The following NPAS4 variants were observed in gnomAD, a reference collection of about 807,000 sequenced individuals.
NPAS4 encodes neuronal PAS domain protein 4, also known as neuronal PAS domain-containing protein 4.
A neutral mutation model predicts 64.0 loss-of-function variants in NPAS4; 10 were observed. The observed-to-expected ratio is 0.16, with a 90% CI of 0.10 to 0.26. The LOEUF is 0.26. Ranked by LOEUF, NPAS4 falls within the 10% of genes least tolerant of loss-of-function variation. The pLI, the probability that NPAS4 is intolerant of heterozygous loss-of-function variation, is 1.00. For synonymous variants in NPAS4, 441 were observed against 411.7 expected (o/e 1.07, Z -0.86); for missense variants, 886 against 992.6 (o/e 0.89, Z 1.44).
the NPAS4 span, among the ~76,000 whole-genome samples, chr11:66,409,670 G>C: frequency 6.6e-6 from 1 of 152,174 alleles, no homozygotes; most frequent in Admixed American, 6.5e-5. Flanking sequence ...ATTGACTAGG[G>C]CCACATGGCA....
At chr11:66,420,513 G>A (rs1856724732), upstream of NPAS4, among the ~76,000 whole-genome samples, 1 of 152,232 alleles carries the variant, frequency 6.6e-6, no homozygotes, top group South Asian at 2.1e-4. Context: ...CTGTCCCACG[G>A]AGGCCAAGGA....
chr11:66,423,186 G>A lies in NPAS4; in HGVS notation c.762G>A (p.Leu254=). The change falls in exon 5 of 8, where the codon CTG becomes CTA. Residue 254 remains leucine, a synonymous_variant. Transcript: ENST00000311034. ...ELLCKSWYGL[L]HPEDLAHASA... is the part of the protein sequence containing the mutation. The stretch of plus-strand genomic sequence containing the variant: ...TTTGTAAATCATGGTATGGACTGCT[G>A]CACCCCGAGGACCTGGCCCACGCTT... 6.2e-7 allele frequency: 1 copy of A among 1,611,196 alleles called. No homozygotes were observed. Among genetic ancestry groups the A allele is most frequent in the Non-Finnish European group, 8.5e-7 (1 of 1,178,496 alleles).
Position 66,421,146 on chromosome 11 carries a change from G to C in NPAS4, c.-34G>C. 6.4e-7 allele frequency: 1 copy of C among 1,559,780 alleles called. No individual in the cohort carries two copies. The highest frequency in any genetic ancestry group is 8.7e-7 in the Non-Finnish European group (1 of 1,150,962). ...CGTCGGGACGGGAGCGCAGGTGCTC[G>C]GGCACCCGAGCTGGAGCTCCGCAGC... On this transcript the variant is annotated 5_prime_UTR_variant, in exon 1 of 8. Coordinates refer to ENST00000311034, the MANE Select transcript of NPAS4 (RefSeq NM_178864.4).
upstream of NPAS4, chr11:66,420,890 G>A (rs995336222): frequency 1.3e-5 from 5 of 378,744 alleles, no homozygotes; most frequent in Admixed American, 1.2e-4. Context: ...CGGAAGCCGG[G>A]CGGGAGGAGG....
intron 5 of NPAS4, 132 bp downstream of exon 5, chr11:66,423,364 G>A (rs1034102293): frequency 1.2e-5 from 10 of 808,294 alleles, no homozygotes; most frequent in African/African-American, 1.0e-4. Flanking sequence ...ATGCTATAGG[G>A]TGAACATGAA....
At position 66,424,325 on chromosome 11, in the gene NPAS4, G is replaced by A. The variant is rs778680760; in HGVS notation, c.1435G>A (p.Asp479Asn). ...QLTPSSATFP[D>N]PLTSPLQGQL... ...GACGCCCAGCAGTGCAACCTTCCCAGATCCACTAACTAGCCCACTGCAAGG... is the reference window on the plus strand; with the variant it reads ...GACGCCCAGCAGTGCAACCTTCCCAAATCCACTAACTAGCCCACTGCAAGG... Residue 479 changes from aspartate to asparagine, a missense_variant, in exon 7 of 8, where the codon GAT becomes AAT. Physicochemically the swap from Asp to Asn is conservative, Grantham distance 23 (BLOSUM62 1). This residue lies in a region of NPAS4 where 820 missense variants were observed against 855.5 expected (regional missense o/e 0.96). Coordinates refer to ENST00000311034, the MANE Select transcript of NPAS4 (RefSeq NM_178864.4). 2 of 1,614,146 alleles carry A rather than the reference G, an allele frequency of 1.2e-6. No homozygotes were observed. The highest frequency in any genetic ancestry group is 1.7e-6 in the Non-Finnish European group (2 of 1,180,040).
chr11:66,419,273 C>T (rs11227481), upstream of NPAS4, among the ~76,000 whole-genome samples: 9,671 of 152,058 alleles, frequency 0.064, 620 homozygotes, highest in African/African-American at 0.16. Context: ...ACAGGATGGC[C>T]CCAACCTCTG....
chr11:66,412,954 A>T, the NPAS4 span, among the ~76,000 whole-genome samples: 1 of 152,234 alleles, frequency 6.6e-6, no homozygotes, highest in African/African-American at 2.4e-5. Flanking sequence ...TCTCTGAGGA[A>T]CATCTCTCCA....
chr11:66,422,984 A>T, intron 4 of NPAS4, 43 bp downstream of exon 4: 1 of 1,590,584 alleles, frequency 6.3e-7, no homozygotes, highest in Non-Finnish European at 8.5e-7. Context: ...GGCAGGCCAG[A>T]GATGAAGGGA....
the NPAS4 span, among the ~76,000 whole-genome samples, chr11:66,412,332 G>A: frequency 1.3e-5 from 2 of 152,194 alleles, no homozygotes; most frequent in Non-Finnish European, 2.9e-5. Context: ...GCCTGCTGGG[G>A]CCCGAGCCAG....
chr11:66,413,845 C>T, the NPAS4 span, among the ~76,000 whole-genome samples: 2 of 152,188 alleles, frequency 1.3e-5, no homozygotes, highest in African/African-American at 4.8e-5. Context: ...AGCAGTATCC[C>T]ACTGAAGTGG....
chr11:66,426,124 GA>G lies in NPAS4; in HGVS notation c.*136del. The G allele has an allele frequency of 1.1e-5, 4 of 365,848 alleles. No homozygotes were observed. Among genetic ancestry groups the G allele is most frequent in the Non-Finnish European group, 1.7e-5 (3 of 178,286 alleles). The allele number at this position is 365,848 out of a possible 1,614,324, so 22.7% of individuals were successfully genotyped here. ...ATATATGATTCCCCAGGCCCTGCAG[GA>G]TTTTGGGGGGGGGGAGGTGGGAGGG... On this transcript the variant is annotated 3_prime_UTR_variant, in exon 8 of 8. Transcript: ENST00000311034.
intron 1 of NPAS4, 132 bp from the exon 2 acceptor site, chr11:66,421,988 G>C: frequency 1.3e-6 from 1 of 756,872 alleles, no homozygotes; most frequent in Admixed American, 2.3e-5. Flanking sequence ...CGGGCAGCGG[G>C]TCAACAGGTG....
chr11:66,414,066 G>A, the NPAS4 span, among the ~76,000 whole-genome samples: 4 of 152,226 alleles, frequency 2.6e-5, no homozygotes, highest in African/African-American at 4.8e-5. Flanking sequence ...GATGCTGGTA[G>A]GGGAGACAGC....
At position 66,424,472 on chromosome 11, in the gene NPAS4, C is replaced by A; in HGVS notation, c.1582C>A (p.His528Asn). Residue 528 changes from histidine (H) to asparagine (N), a missense_variant, in exon 7 of 8, where the codon CAT (histidine) becomes AAT (asparagine). This residue lies in a region of NPAS4 where 820 missense variants were observed against 855.5 expected (regional missense o/e 0.96). Transcript: ENST00000311034. ...CCCAGAGCCTCTGGGCAGCCCTGCC[C>A]ATGAACAGCTGACTCCTCCCAGCAC... ...TFPEPLGSPA[H>N]EQLTPPSTAF... 6.2e-7 allele frequency: 1 copy of A among 1,614,104 alleles called. No homozygotes were observed.
the NPAS4 span, among the ~76,000 whole-genome samples, chr11:66,413,174 A>G: frequency 6.6e-6 from 1 of 152,184 alleles, no homozygotes; most frequent in Non-Finnish European, 1.5e-5. Flanking sequence ...GTAACTGAGG[A>G]TTTGGCCTCA....
At chr11:66,421,914 G>A (rs535821949) in intron 1 of NPAS4, among the ~76,000 whole-genome samples, 40 of 152,360 alleles carry the variant, frequency 2.6e-4, no homozygotes, top group African/African-American at 9.6e-4. Context: ...AGCCGACCCC[G>A]CTTTAGAAGT....
Position 66,424,601 on chromosome 11 carries a change from T to C in NPAS4, c.1711T>C (p.Tyr571His), listed in dbSNP as rs756570744. The C allele has an allele frequency of 1.2e-6, 2 of 1,614,036 alleles. No individual in the cohort carries two copies. Among genetic ancestry groups the C allele is most frequent in the Admixed American group, 1.7e-5 (1 of 60,002 alleles). ...YFAQEGCSFLYEKLPPSPSSP... is the reference protein window; with the variant it reads ...YFAQEGCSFLHEKLPPSPSSP... ...TGCCCAGGAGGGATGCAGTTTTCTCTATGAGAAGTTGCCCCCAAGTCCTAG... is the reference window on the plus strand; with the variant it reads ...TGCCCAGGAGGGATGCAGTTTTCTCCATGAGAAGTTGCCCCCAAGTCCTAG... Residue 571 changes from tyrosine (Y) to histidine (H), a missense_variant, in exon 7 of 8, where the codon TAT (tyrosine) becomes CAT (histidine). Tyr to His is a moderately conservative substitution (Grantham distance 83, BLOSUM62 2). This residue lies in a region of NPAS4 where 820 missense variants were observed against 855.5 expected (regional missense o/e 0.96). Transcript: ENST00000311034.
chr11:66,421,117 G>T lies in NPAS4; in HGVS notation c.-63G>T. On this transcript the variant is annotated 5_prime_UTR_variant, in exon 1 of 8. Transcript: ENST00000311034. ...GGGAAGCACGGAGGAGGAAGCCGCC[G>T]GTGCGTCGGGACGGGAGCGCAGGTG... The T allele has an allele frequency of 7.0e-7, 1 of 1,420,984 alleles. No homozygotes were observed. Among genetic ancestry groups the T allele is most frequent in the South Asian group, 1.2e-5 (1 of 80,218 alleles). The allele number at this position is 1,420,984 out of a possible 1,614,324, so 88.0% of individuals were successfully genotyped here.
Sources: allele counts gnomAD v4.1 joint callset (sites outside exome capture counted in the v4.1 genomes callset), GRCh38; gene constraint gnomAD v4.1.1; regional missense constraint gnomAD v4.1.1; transcripts MANE v1.5; gene names NCBI Gene and HGNC (gene_info 2026-07-23, HGNC 2026-07-21).